Variants in PRKN observed in about 807,000 individuals in gnomAD.
The protein encoded by PRKN is parkin RBR E3 ubiquitin protein ligase.
A neutral mutation model predicts 59.5 loss-of-function variants in PRKN; 56 were observed. That is an observed-to-expected ratio of 0.94 (90% confidence interval 0.76 to 1.18). The LOEUF is 1.18. Ranked by LOEUF, PRKN falls within the 50% of genes most tolerant of loss-of-function variation. The probability of loss-of-function intolerance (pLI) is 0.00; values close to 1 mark genes in which losing one functional copy is unlikely to be tolerated. For missense variants in PRKN, 657 were observed against 596.4 expected (o/e 1.10, Z -1.06); for synonymous variants, 250 against 222.1 (o/e 1.13, Z -1.12).
chr6:162,176,719 A>T (rs1479702496), intron 4 of PRKN, among the ~76,000 whole-genome samples: 1 of 152,184 alleles, frequency 6.6e-6, no homozygotes, highest in African/African-American at 2.4e-5. Context: ...AACAGCAGAC[A>T]GTGGAAACTG....
At chr6:162,383,949 T>G (rs1320987766) in intron 2 of PRKN, among the ~76,000 whole-genome samples, 1 of 152,222 alleles carries the variant, frequency 6.6e-6, no homozygotes, top group Non-Finnish European at 1.5e-5. Flanking sequence ...AAATGTTTCT[T>G]GTGCATCTTC....
chr6:161,777,658 A>T (rs965038858), intron 7 of PRKN, among the ~76,000 whole-genome samples: 17 of 134,188 alleles, frequency 1.3e-4, no homozygotes, highest in Non-Finnish European at 2.5e-4. Context: ...ATATATATAT[A>T]TTATATATAT....
At chr6:162,372,062 C>T (rs1785795786) in intron 2 of PRKN, among the ~76,000 whole-genome samples, 1 of 152,212 alleles carries the variant, frequency 6.6e-6, no homozygotes, top group Non-Finnish European at 1.5e-5. Flanking sequence ...CAGGAGAAAG[C>T]TGGAGTGGAC....
intron 1 of PRKN, among the ~76,000 whole-genome samples, chr6:162,474,215 G>T (rs1466116937): frequency 6.6e-6 from 1 of 152,108 alleles, no homozygotes; most frequent in Non-Finnish European, 1.5e-5. Context: ...TGTTAAGAAC[G>T]ACAAAGGGAA....
At chr6:162,645,938 G>C (rs1270538416) in intron 1 of PRKN, among the ~76,000 whole-genome samples, 1 of 137,556 alleles carries the variant, frequency 7.3e-6, no homozygotes, top group African/African-American at 2.7e-5. Flanking sequence ...GCAGTGGCAA[G>C]ATCTCAGCTC....
intron 6 of PRKN, among the ~76,000 whole-genome samples, chr6:161,798,814 G>A (rs1321955986): frequency 1.3e-5 from 2 of 152,150 alleles, no homozygotes; most frequent in African/African-American, 4.8e-5. Context: ...GATCACCAGG[G>A]CCAGGCACGC....
At chr6:162,235,810 GA>G (rs1391850232) in intron 3 of PRKN, among the ~76,000 whole-genome samples, 1 of 147,776 alleles carries the variant, frequency 6.8e-6, no homozygotes, top group East Asian at 2.0e-4. Context: ...CTCAAAGAAA[GA>G]AAGAAAGAAA....
At chr6:161,711,270 C>T (rs917790285) in intron 7 of PRKN, among the ~76,000 whole-genome samples, 5 of 152,038 alleles carry the variant, frequency 3.3e-5, no homozygotes, top group Admixed American at 2.0e-4. Flanking sequence ...ATACATATAA[C>T]GATGAGAAAG....
rs563609140 is a variant in PRKN, at chr6:162,243,020, AAAC to A, written c.412+19502_412+19504del. On this transcript the variant is annotated intron_variant, in intron 3 of 11. Coordinates refer to ENST00000366898, the MANE Select transcript of PRKN (RefSeq NM_004562.3). ...AGCTGTTGGTTCCTTAAAAAAAAAA[AAAC>A]ATTTATCAGCCAATCTTGCAGACTT... Among the ~76,000 whole-genome samples the A allele has an allele frequency of 9.5e-3, 1,446 of 151,810 alleles. 16 individuals are homozygous for A. Among genetic ancestry groups the A allele is most frequent in the Admixed American group, 9.6e-3 (147 of 15,278 alleles).
intron 1 of PRKN, among the ~76,000 whole-genome samples, chr6:162,720,110 T>G (rs1251793137): frequency 2.0e-5 from 3 of 152,168 alleles, no homozygotes; most frequent in East Asian, 1.9e-4. Flanking sequence ...AGATCTTATT[T>G]ATGCACTGAA....
intron 5 of PRKN, among the ~76,000 whole-genome samples, chr6:162,047,020 T>C (rs1215726480): frequency 1.3e-5 from 2 of 152,194 alleles, no homozygotes; most frequent in East Asian, 1.9e-4. Context: ...AAGAAAACTT[T>C]CTAGTTTGTC....
At chr6:162,236,393 GC>G (rs924419466) in intron 3 of PRKN, among the ~76,000 whole-genome samples, 3 of 152,112 alleles carry the variant, frequency 2.0e-5, no homozygotes, top group Admixed American at 2.0e-4. Flanking sequence ...GAAGAAGCTG[GC>G]CCTAGGGTAA....
chr6:162,671,963 G>A (rs762079173), intron 1 of PRKN, among the ~76,000 whole-genome samples: 8 of 151,986 alleles, frequency 5.3e-5, no homozygotes, highest in Non-Finnish European at 1.2e-4. Flanking sequence ...TGAGTGCTGG[G>A]AGGTGCTGCG....
intron 6 of PRKN, among the ~76,000 whole-genome samples, chr6:161,833,745 G>A (rs1332387929): frequency 6.6e-6 from 1 of 152,100 alleles, no homozygotes; most frequent in Non-Finnish European, 1.5e-5. Flanking sequence ...TGTTGTGTCC[G>A]AGGCTAGCAC....
chr6:161,617,495 A>G (rs1782740573), intron 7 of PRKN, among the ~76,000 whole-genome samples: 1 of 152,240 alleles, frequency 6.6e-6, no homozygotes, highest in Admixed American at 6.5e-5. Context: ...AACAATCTAC[A>G]TTTCGCTATA....
chr6:161,569,447 G>A (rs774370731), intron 7 of PRKN, 31 bp from the exon 8 acceptor site: 48 of 1,576,284 alleles, frequency 3.0e-5, no homozygotes, highest in East Asian at 8.9e-5. Context: ...TCACAAAAAC[G>A]TCACTTTCAC....
At chr6:162,372,911 A>C (rs1385963775) in intron 2 of PRKN, among the ~76,000 whole-genome samples, 2 of 152,182 alleles carry the variant, frequency 1.3e-5, no homozygotes, top group African/African-American at 2.4e-5. Context: ...TGTAGAATGG[A>C]AGATTCTCTA....
chr6:162,613,962 T>C (rs530789101), intron 1 of PRKN, among the ~76,000 whole-genome samples: 1 of 152,208 alleles, frequency 6.6e-6, no homozygotes, highest in Admixed American at 6.5e-5. Flanking sequence ...CCAGGAAATA[T>C]ACAGCTAATA....
rs1791525785 is a variant in PRKN, at chr6:161,483,788, A to G, written c.1083+65066T>C. ...CTTGGAATCAACCCAGATGCCCATC[A>G]TTGATAGACTGGATAAAGAAAATGT... On this transcript the variant is annotated intron_variant, in intron 9 of 11. Coordinates refer to ENST00000366898, the MANE Select transcript of PRKN (RefSeq NM_004562.3). This position sits in a 1 kb window ranked among gnomAD's most constrained non-coding sequence, Gnocchi z 5.0. 6.6e-6 allele frequency among the ~76,000 whole-genome samples: 1 copy of G among 152,210 alleles called. No homozygotes were observed. Among genetic ancestry groups the G allele is most frequent in the South Asian group, 2.1e-4 (1 of 4,828 alleles).
Sources: allele counts gnomAD v4.1 joint callset (sites outside exome capture counted in the v4.1 genomes callset), GRCh38; gene constraint gnomAD v4.1.1; non-coding constraint Gnocchi (gnomAD v3.1); transcripts MANE v1.5; gene names NCBI Gene and HGNC (gene_info 2026-07-23, HGNC 2026-07-21).